Variants in SGCD observed in about 807,000 individuals in gnomAD.
The protein encoded by SGCD is delta-sarcoglycan.
SGCD carries 18 observed loss-of-function variants against 36.6 expected under a neutral mutation model. The observed-to-expected ratio is 0.49, with a 90% CI of 0.34 to 0.73. The LOEUF (loss-of-function observed/expected upper bound fraction) is 0.73, where lower values mean the gene tolerates loss of function less well. Among genes scored for constraint, SGCD ranks in the 30% least tolerant of loss-of-function variants. The pLI is 0.01. For missense variants in SGCD, 387 were observed against 346.7 expected, an observed-to-expected ratio of 1.12 and a Z score of -0.92; for synonymous variants, 133 against 130.6, an observed-to-expected ratio of 1.02 and a Z score of -0.12.
In SGCD at chr5:156,232,608, A is replaced by T. The variant is rs575511478; in HGVS notation, c.-43-96926A>T. Among the ~76,000 whole-genome samples, 13 of 152,314 alleles carry T rather than the reference A, an allele frequency of 8.5e-5. No homozygotes were observed. The South Asian group carries it at 2.5e-3, about 29-fold the overall frequency. On this transcript the variant is annotated intron_variant, in intron 3 of 9. Coordinates refer to the SGCD transcript ENST00000517913. ...CTGCATTGTGACTGATGTATACACC[A>T]TGCATCATTAGGATTCTACTTATTC...
chr5:155,978,982 G>T (rs1376821394), intron 1 of SGCD, among the ~76,000 whole-genome samples: 1 of 152,170 alleles, frequency 6.6e-6, no homozygotes, highest in African/African-American at 2.4e-5. Context: ...GGACGGTCCT[G>T]GTCCTGATTT....
intron 1 of SGCD, among the ~76,000 whole-genome samples, chr5:155,886,469 T>C (rs1452708032): frequency 6.6e-6 from 1 of 152,074 alleles, no homozygotes; most frequent in Admixed American, 6.5e-5. Flanking sequence ...TGGTACAAAC[T>C]TTGCAGAGGA....
intron 6 of SGCD, among the ~76,000 whole-genome samples, chr5:156,620,661 C>G (rs1290005847): frequency 6.6e-6 from 1 of 152,168 alleles, no homozygotes; most frequent in East Asian, 1.9e-4. Flanking sequence ...GCTTCCTATG[C>G]AGCAGCAAGA....
chr5:155,990,191 C>T (rs1352375120), intron 1 of SGCD, among the ~76,000 whole-genome samples: 1 of 152,076 alleles, frequency 6.6e-6, no homozygotes, highest in African/African-American at 2.4e-5. Flanking sequence ...GTTTTTTAAA[C>T]TAAAGGTTCT....
chr5:155,811,394 T>A, the SGCD span, among the ~76,000 whole-genome samples: 1 of 152,146 alleles, frequency 6.6e-6, no homozygotes, highest in East Asian at 1.9e-4. Context: ...CCTGGATTCT[T>A]ATGAAGAGAC....
chr5:156,574,417 G>T (rs1200240614), intron 4 of SGCD, among the ~76,000 whole-genome samples: 1 of 152,202 alleles, frequency 6.6e-6, no homozygotes, highest in African/African-American at 2.4e-5. Flanking sequence ...TGTAAGGGAG[G>T]TACTGTTACT....
chr5:155,829,724 T>C, the SGCD span, among the ~76,000 whole-genome samples: 1 of 152,218 alleles, frequency 6.6e-6, no homozygotes, highest in Non-Finnish European at 1.5e-5. Flanking sequence ...CCATTGATCA[T>C]TGTGTTCCCT....
intron 4 of SGCD, among the ~76,000 whole-genome samples, chr5:156,545,611 C>A (rs1451105433): frequency 6.6e-6 from 1 of 152,116 alleles, no homozygotes; most frequent in African/African-American, 2.4e-5. Context: ...AGGGTTCCTA[C>A]CCCTATGAGA....
chr5:155,744,188 G>A, the SGCD span, among the ~76,000 whole-genome samples: 2 of 152,162 alleles, frequency 1.3e-5, no homozygotes, highest in Non-Finnish European at 2.9e-5. Context: ...CGGGCCAGGT[G>A]TGGTGACTCA....
At chr5:156,068,272 C>A (rs1480397887) in intron 1 of SGCD, among the ~76,000 whole-genome samples, 1 of 151,874 alleles carries the variant, frequency 6.6e-6, no homozygotes, top group South Asian at 2.1e-4. Flanking sequence ...TCCCTCCCCC[C>A]TTTCCCCACC....
At chr5:156,510,105 A>G (rs938333210) in intron 4 of SGCD, among the ~76,000 whole-genome samples, 3 of 152,230 alleles carry the variant, frequency 2.0e-5, no homozygotes, top group African/African-American at 7.2e-5. Flanking sequence ...ATTTCAAATA[A>G]GTTTACTTTC....
At chr5:156,497,661 C>T (rs1028907505) in intron 3 of SGCD, among the ~76,000 whole-genome samples, 4 of 152,008 alleles carry the variant, frequency 2.6e-5, no homozygotes, top group African/African-American at 9.7e-5. Context: ...CACACACACA[C>T]ACAGAAAATG....
chr5:156,251,158 C>T (rs1232423159), intron 3 of SGCD, among the ~76,000 whole-genome samples: 2 of 152,140 alleles, frequency 1.3e-5, no homozygotes, highest in Non-Finnish European at 1.5e-5. Flanking sequence ...CCAAATACCA[C>T]ATTTCTTTTT....
chr5:156,652,487 T>TTC (rs2113602932), intron 7 of SGCD, among the ~76,000 whole-genome samples: 1 of 152,142 alleles, frequency 6.6e-6, no homozygotes, highest in African/African-American at 2.4e-5. Context: ...GACCCTATCT[T>TTC]TCTCTCTCTC....
chr5:156,439,365 A>T (rs777523208), intron 3 of SGCD, among the ~76,000 whole-genome samples: 3 of 152,134 alleles, frequency 2.0e-5, no homozygotes, highest in Non-Finnish European at 2.9e-5. Flanking sequence ...ATGGCAAACA[A>T]ATATTATTTA....
chr5:156,312,928 T>C (rs1174183287), intron 3 of SGCD, among the ~76,000 whole-genome samples: 1 of 152,136 alleles, frequency 6.6e-6, no homozygotes, highest in Non-Finnish European at 1.5e-5. Context: ...TTCGTTTATT[T>C]TTTAACTAAC....
At chr5:156,311,506 T>G (rs1767387680) in intron 3 of SGCD, among the ~76,000 whole-genome samples, 1 of 152,186 alleles carries the variant, frequency 6.6e-6, no homozygotes, top group South Asian at 2.1e-4. Context: ...TAAAAAAGTC[T>G]TATACAATCA....
intron 1 of SGCD, among the ~76,000 whole-genome samples, chr5:156,104,041 C>T (rs1761584527): frequency 6.6e-6 from 1 of 151,930 alleles, no homozygotes. Flanking sequence ...GACCCAAGCC[C>T]TTTTGGAAAC....
intron 1 of SGCD, among the ~76,000 whole-genome samples, chr5:156,100,442 G>C (rs540270655): frequency 6.6e-6 from 1 of 152,288 alleles, no homozygotes; most frequent in East Asian, 1.9e-4. Context: ...CTAGTGCATT[G>C]CATGTATGTG....
Sources: allele counts gnomAD v4.1 joint callset (sites outside exome capture counted in the v4.1 genomes callset), GRCh38; gene constraint gnomAD v4.1.1; transcripts MANE v1.5; gene names NCBI Gene and HGNC (gene_info 2026-07-23, HGNC 2026-07-21).